Variants in AK8 observed in about 807,000 individuals in gnomAD.
AK8 encodes adenylate kinase 8.
In AK8, 44 loss-of-function variants were observed where a neutral mutation model predicts 54.6. The ratio of observed to expected loss-of-function variants is 0.81; its 90% CI spans 0.63 to 1.04. The LOEUF is 1.04. Ranked by LOEUF, AK8 falls within the 50% of genes least tolerant of loss-of-function variation. AK8 has a pLI of 0.00. For missense variants in AK8, 555 were observed against 613.6 expected (o/e 0.90, Z 1.01); for synonymous variants, 239 against 245.6 (o/e 0.97, Z 0.25).
chr9:132,778,316 A>G (rs1486513294), intron 11 of AK8, among the ~76,000 whole-genome samples: 1 of 152,196 alleles, frequency 6.6e-6, no homozygotes, highest in Non-Finnish European at 1.5e-5. Flanking sequence ...GCTCAGGCCC[A>G]GAGCTGCAGT....
chr9:132,863,791 A>G lies in AK8; in HGVS notation c.220-13T>C, dbSNP rs758253152. The G allele has an allele frequency of 6.3e-7, 1 of 1,584,030 alleles. No homozygotes were observed. Among genetic ancestry groups the G allele is most frequent in the Non-Finnish European group, 8.7e-7 (1 of 1,154,902 alleles). ...AGAGCCACATTGCCTGAAGAAAGGA[A>G]AGAAGAAAAGGGCATTTTCATAAAA... On this transcript the variant is annotated splice_polypyrimidine_tract_variant and intron_variant, in intron 3 of 12. Transcript: ENST00000298545.
chr9:132,728,139 A>C (rs1371057669), intron 11 of AK8, among the ~76,000 whole-genome samples: 1 of 152,192 alleles, frequency 6.6e-6, no homozygotes. Context: ...ACCCCAGACG[A>C]GGGTGGGCAT....
rs185838947 is a variant in AK8, at chr9:132,858,877, C to T, written c.334-3952G>A. Among the ~76,000 whole-genome samples the T allele has an allele frequency of 6.9e-4, 105 of 152,226 alleles. 3 individuals are homozygous for T. In the South Asian group the frequency reaches 0.018, roughly 26 times the overall value. On this transcript the variant is annotated intron_variant, in intron 4 of 12. Coordinates refer to ENST00000298545, the MANE Select transcript of AK8 (RefSeq NM_152572.3). ...GCACCCAGACAGGCGCACGGAAGGA[C>T]GTGGCAGCAAGAGAAACCCTGGACT...
intron 9 of AK8, among the ~76,000 whole-genome samples, chr9:132,822,485 C>A (rs1030186323): frequency 6.6e-6 from 1 of 151,714 alleles, no homozygotes; most frequent in Admixed American, 6.6e-5. Flanking sequence ...GTGCAGGTCT[C>A]GTTTCCTTAG....
At chr9:132,795,592 T>C (rs1270270792) in intron 10 of AK8, among the ~76,000 whole-genome samples, 3 of 152,126 alleles carry the variant, frequency 2.0e-5, no homozygotes, top group Non-Finnish European at 1.5e-5. Context: ...ACAGAAATAA[T>C]CCTATCCCCA....
At chr9:132,736,755 A>T (rs1471337309) in intron 11 of AK8, among the ~76,000 whole-genome samples, 1 of 147,232 alleles carries the variant, frequency 6.8e-6, no homozygotes, top group Non-Finnish European at 1.5e-5. Flanking sequence ...ACTGCACTCC[A>T]GCCTGGGTGA....
chr9:132,839,057 C>T (rs1489482835), intron 5 of AK8, among the ~76,000 whole-genome samples: 1 of 152,064 alleles, frequency 6.6e-6, no homozygotes, highest in East Asian at 1.9e-4. Context: ...GATTCTCCTG[C>T]CTCAGCCTCC....
intron 5 of AK8, among the ~76,000 whole-genome samples, chr9:132,840,277 C>G (rs531590495): frequency 1.1e-4 from 17 of 152,220 alleles, no homozygotes; most frequent in East Asian, 3.9e-4. Flanking sequence ...CCCTCACAGC[C>G]CAGCTCCATC....
intron 10 of AK8, among the ~76,000 whole-genome samples, chr9:132,812,113 C>T (rs911696379): frequency 4.0e-5 from 6 of 151,770 alleles, no homozygotes; most frequent in Non-Finnish European, 8.8e-5. Context: ...CACATTCACT[C>T]ATTTTTAGGG....
intron 10 of AK8, among the ~76,000 whole-genome samples, chr9:132,793,675 T>C (rs905049668): frequency 2.6e-5 from 4 of 152,256 alleles, no homozygotes; most frequent in Non-Finnish European, 1.5e-5. Flanking sequence ...ATTGCGGCAA[T>C]TGACATTTTC....
At chr9:132,828,540 G>A in intron 6 of AK8, 105 bp downstream of exon 6, 2 of 947,736 alleles carry the variant, frequency 2.1e-6, no homozygotes, top group Non-Finnish European at 3.2e-6. Flanking sequence ...GGTCTCAGAC[G>A]GTGCCTGGGC....
intron 11 of AK8, among the ~76,000 whole-genome samples, chr9:132,750,664 A>G (rs1837876203): frequency 6.6e-6 from 1 of 151,766 alleles, no homozygotes; most frequent in African/African-American, 2.4e-5. Context: ...GCTTCAAAGG[A>G]CTCCATCCGG....
At chr9:132,785,289 A>C (rs919777254) in intron 11 of AK8, among the ~76,000 whole-genome samples, 1 of 152,030 alleles carries the variant, frequency 6.6e-6, no homozygotes, top group Admixed American at 6.6e-5. Flanking sequence ...TTTTTAGTAG[A>C]GACAGGGTTC....
chr9:132,819,065 G>C (rs1381861340), intron 9 of AK8, among the ~76,000 whole-genome samples: 1 of 152,106 alleles, frequency 6.6e-6, no homozygotes. Context: ...CAATAAAAGG[G>C]TCATTTCACC....
At chr9:132,839,763 C>T (rs373843174) in intron 5 of AK8, among the ~76,000 whole-genome samples, 4 of 143,416 alleles carry the variant, frequency 2.8e-5, no homozygotes, top group Admixed American at 7.2e-5. Flanking sequence ...TCCGTTTTTG[C>T]GGCTTATGAC....
chr9:132,774,383 A>G (rs1839115992), intron 11 of AK8, among the ~76,000 whole-genome samples: 1 of 152,188 alleles, frequency 6.6e-6, no homozygotes. Context: ...GACTTTTCTT[A>G]AAAGTTTTTT....
intron 12 of AK8, 34 bp from the exon 13 acceptor site, chr9:132,725,959 G>T (rs764248182): frequency 4.4e-6 from 7 of 1,593,728 alleles, no homozygotes; most frequent in Non-Finnish European, 3.4e-6. Context: ...GTGACCCATG[G>T]CCTGGCCTGG....
At position 132,770,563 on chromosome 9, in the gene AK8, C is replaced by T. The variant is rs1590220505; in HGVS notation, c.1121+22071G>A. On this transcript the variant is annotated intron_variant, in intron 11 of 12. Transcript: ENST00000298545. This position sits in a 1 kb window ranked among gnomAD's most constrained non-coding sequence, Gnocchi z 4.3. ...GCCCCTGGCTGTAACCTGAGCAGCC[C>T]GCGTGAGGGTCAGTGGTGACTTCCG... Among the ~76,000 whole-genome samples, 2 of 152,326 alleles carry T rather than the reference C, an allele frequency of 1.3e-5. No homozygotes were observed. The highest frequency in any genetic ancestry group is 1.5e-5 in the Non-Finnish European group (1 of 68,018).
At chr9:132,741,539 G>T (rs982668510) in intron 11 of AK8, among the ~76,000 whole-genome samples, 48 of 152,186 alleles carry the variant, frequency 3.2e-4, no homozygotes, top group Non-Finnish European at 1.0e-4. Context: ...ATGCCAAGAG[G>T]CCCCACTCAG....
Sources: allele counts gnomAD v4.1 joint callset (sites outside exome capture counted in the v4.1 genomes callset), GRCh38; gene constraint gnomAD v4.1.1; non-coding constraint Gnocchi (gnomAD v3.1); transcripts MANE v1.5; gene names NCBI Gene and HGNC (gene_info 2026-07-23, HGNC 2026-07-21).